BCAS3: variants seen among roughly 807,000 people sequenced by gnomAD.
BCAS3 encodes the protein BCAS3 microtubule associated cell migration factor, also known as BCAS4/BCAS3 fusion.
A neutral mutation model predicts 116.1 loss-of-function variants in BCAS3; 53 were observed. The ratio of observed to expected loss-of-function variants is 0.46; its 90% CI spans 0.37 to 0.57. The LOEUF (loss-of-function observed/expected upper bound fraction) is 0.57. BCAS3 is among the 20% of genes least tolerant of loss of function. The probability of loss-of-function intolerance (pLI) is 0.00; values close to 1 mark genes in which losing one functional copy is unlikely to be tolerated. For synonymous variants in BCAS3, 391 were observed against 408.2 expected, an observed-to-expected ratio of 0.96 and a Z score of 0.51; for missense variants, 917 against 1,165.4, an observed-to-expected ratio of 0.79 and a Z score of 3.10.
rs2065528865 is a variant in BCAS3 at position 61,017,360 on chromosome 17, A to G, written c.1637+1459A>G. Reference sequence around the variant, plus strand: ...ACTTACTGAAGTTAGTCAGTACATAATTGTATCATCTTGATTCACTCCAGC... The same window carrying G: ...ACTTACTGAAGTTAGTCAGTACATAGTTGTATCATCTTGATTCACTCCAGC... On this transcript the variant is annotated intron_variant, in intron 16 of 23. Coordinates refer to ENST00000407086, the MANE Select transcript of BCAS3 (RefSeq NM_017679.5). This position sits in a 1 kb window ranked among gnomAD's most constrained non-coding sequence, Gnocchi z 4.7. 6.6e-6 allele frequency among the ~76,000 whole-genome samples: 1 copy of G among 152,278 alleles called. No individual in the cohort carries two copies. Among genetic ancestry groups the G allele is most frequent in the Admixed American group, 6.5e-5 (1 of 15,290 alleles).
rs924834328 is a variant in BCAS3, at chr17:61,332,491, G to T, written c.2426-35836G>T. 6.6e-6 allele frequency among the ~76,000 whole-genome samples: 1 copy of T among 152,156 alleles called. No individual in the cohort carries two copies. The highest frequency in any genetic ancestry group is 1.5e-5 in the Non-Finnish European group (1 of 68,030). On this transcript the variant is annotated intron_variant, in intron 22 of 23. Coordinates refer to ENST00000407086, the MANE Select transcript of BCAS3 (RefSeq NM_017679.5). The surrounding 1 kb of genome is among the most constrained non-coding windows in gnomAD (Gnocchi z 5.4). ...CATATTGAAAGGAGGGAAACAATTT[G>T]ACAGCAAGAAAAGAATCTCCTAAAG...
chr17:61,026,841 G>A lies in BCAS3; in HGVS notation c.1638-7825G>A. ...AATGAGTTTTTCTCTAATTTTTTGTGCATTTTTCCCCCTTTTCCATGAAGG... is the reference window on the plus strand; with the variant it reads ...AATGAGTTTTTCTCTAATTTTTTGTACATTTTTCCCCCTTTTCCATGAAGG... On this transcript the variant is annotated intron_variant, in intron 16 of 23. Transcript: ENST00000407086. The surrounding 1 kb of genome is among the most constrained non-coding windows in gnomAD (Gnocchi z 5.0). 1 of 1,583,680 alleles carries A rather than the reference G, an allele frequency of 6.3e-7. No homozygotes were observed. Among genetic ancestry groups the A allele is most frequent in the African/African-American group, 1.3e-5 (1 of 74,278 alleles).
chr17:60,797,639 C>T (rs1432159225), intron 6 of BCAS3, among the ~76,000 whole-genome samples: 1 of 152,002 alleles, frequency 6.6e-6, no homozygotes, highest in African/African-American at 2.4e-5. Flanking sequence ...ACCTGTCAAC[C>T]TGTCATCTAC....
intron 23 of BCAS3, among the ~76,000 whole-genome samples, chr17:61,372,699 C>T (rs1379908404): frequency 2.0e-5 from 3 of 152,176 alleles, no homozygotes; most frequent in East Asian, 1.9e-4. Context: ...GTCTCTTGCC[C>T]GCGAGGCTTC....
rs1009829555 is a variant in BCAS3 at position 61,145,288 on chromosome 17, T to C, written c.2425+60724T>C. 2.6e-5 allele frequency among the ~76,000 whole-genome samples: 4 copies of C among 152,250 alleles called. No homozygotes were observed. The highest frequency in any genetic ancestry group is 9.6e-5 in the African/African-American group (4 of 41,466). ...TGGTTCTGCAACTCATCACCAGCTA[T>C]GCAAACTGACAGTTCACATCCTGGG... On this transcript the variant is annotated intron_variant, in intron 22 of 23. Coordinates refer to ENST00000407086, the MANE Select transcript of BCAS3 (RefSeq NM_017679.5). The surrounding 1 kb of genome is among the most constrained non-coding windows in gnomAD (Gnocchi z 5.0).
Position 61,256,957 on chromosome 17 carries a change from C to T in BCAS3, c.2426-111370C>T, listed in dbSNP as rs552995032. ...GGTTCTCTTTGAGGTATTTTCTCTA[C>T]CAAAATCAAGATTTTTGGATTTAAA... On this transcript the variant is annotated intron_variant, in intron 22 of 23. Transcript: ENST00000407086. This position sits in a 1 kb window ranked among gnomAD's most constrained non-coding sequence, Gnocchi z 5.6. 1.6e-4 allele frequency among the ~76,000 whole-genome samples: 25 copies of T among 152,144 alleles called. No individual in the cohort carries two copies. The highest frequency in any genetic ancestry group is 5.5e-4 in the African/African-American group (23 of 41,504).
chr17:60,858,482 T>G (rs1467874730), intron 7 of BCAS3, among the ~76,000 whole-genome samples: 1 of 152,122 alleles, frequency 6.6e-6, no homozygotes, highest in African/African-American at 2.4e-5. Flanking sequence ...TGAGATTCAC[T>G]TTTGTTGTTT....
chr17:60,747,252 G>A lies in BCAS3; in HGVS notation c.376G>A (p.Ala126Thr). The change falls in exon 6 of 24, where the codon GCT becomes ACT. Residue 126 changes from alanine (A) to threonine (T), a missense_variant. Physicochemically the swap from Ala to Thr is moderately conservative, Grantham distance 58. Around this residue, in one of 3 missense-constraint regions of BCAS3, gnomAD observed 807 missense variants for 1,026.0 expected, o/e 0.79. Coordinates refer to ENST00000407086, the MANE Select transcript of BCAS3 (RefSeq NM_017679.5). ...FSVRHGPIRA[A>T]RILPAPQFGA... ...TGTTCGACATGGCCCAATTCGAGCG[G>A]CTAGAATCTTGCCTGCTCCACAGTT... 1 of 1,613,160 alleles carries A rather than the reference G, an allele frequency of 6.2e-7. No individual in the cohort carries two copies. Among genetic ancestry groups the A allele is most frequent in the Non-Finnish European group, 8.5e-7 (1 of 1,179,230 alleles).
intron 5 of BCAS3, among the ~76,000 whole-genome samples, chr17:60,746,527 GT>G (rs1158914627): frequency 6.6e-6 from 1 of 152,036 alleles, no homozygotes; most frequent in Non-Finnish European, 1.5e-5. Context: ...TATTCATAAT[GT>G]TTGAGCTATG....
intron 22 of BCAS3, among the ~76,000 whole-genome samples, chr17:61,117,262 G>C (rs1222567737): frequency 6.6e-6 from 1 of 152,016 alleles, no homozygotes; most frequent in Non-Finnish European, 1.5e-5. Context: ...CATCCACTTA[G>C]CTTTTTATTT....
intron 11 of BCAS3, among the ~76,000 whole-genome samples, chr17:60,904,020 T>C (rs1255065619): frequency 6.6e-6 from 1 of 152,222 alleles, no homozygotes; most frequent in Non-Finnish European, 1.5e-5. Flanking sequence ...GCTATTCTTA[T>C]GTGTTTATGT....
At chr17:61,304,822 C>T (rs927475064) in intron 22 of BCAS3, among the ~76,000 whole-genome samples, 4 of 151,696 alleles carry the variant, frequency 2.6e-5, no homozygotes, top group African/African-American at 7.3e-5. Context: ...GACACAATCT[C>T]AGCTCATTGC....
At chr17:61,099,339 TTAA>T (rs2143649896) in intron 22 of BCAS3, among the ~76,000 whole-genome samples, 1 of 152,290 alleles carries the variant, frequency 6.6e-6, no homozygotes, top group South Asian at 2.1e-4. Context: ...TCAGTGATGA[TTAA>T]TAATGATAGT....
rs114055830 is a variant in BCAS3 at position 61,276,031 on chromosome 17, G to T, written c.2426-92296G>T. Among the ~76,000 whole-genome samples, 2,958 of 152,234 alleles carry T rather than the reference G, an allele frequency of 0.019. 83 individuals carry two copies. Among genetic ancestry groups the T allele is most frequent in the African/African-American group, 0.066 (2,748 of 41,532 alleles). ...AAACGGCAACCTATTTTGCAAGGTTGTAGGATATACTATCAGTATATAAAA... is the reference window on the plus strand; with the variant it reads ...AAACGGCAACCTATTTTGCAAGGTTTTAGGATATACTATCAGTATATAAAA... On this transcript the variant is annotated intron_variant, in intron 22 of 23. Coordinates refer to ENST00000407086, the MANE Select transcript of BCAS3 (RefSeq NM_017679.5). This position sits in a 1 kb window ranked among gnomAD's most constrained non-coding sequence, Gnocchi z 4.2.
chr17:60,802,921 T>G (rs1164042778), intron 6 of BCAS3, among the ~76,000 whole-genome samples: 1 of 152,220 alleles, frequency 6.6e-6, no homozygotes, highest in Non-Finnish European at 1.5e-5. Context: ...CCAGTCTATT[T>G]GTCGACTTTT....
chr17:61,164,407 A>C (rs8073611), intron 22 of BCAS3, among the ~76,000 whole-genome samples: 116,016 of 151,842 alleles, frequency 0.76, 44,771 homozygotes, highest in South Asian at 0.9. Flanking sequence ...AATGCCAGCA[A>C]CACTTTGGGT....
chr17:61,243,583 A>G lies in BCAS3; in HGVS notation c.2426-124744A>G, dbSNP rs958243983. 6.6e-6 allele frequency among the ~76,000 whole-genome samples: 1 copy of G among 152,200 alleles called. No individual in the cohort carries two copies. The highest frequency in any genetic ancestry group is 6.5e-5 in the Admixed American group (1 of 15,286). On this transcript the variant is annotated intron_variant, in intron 22 of 23. Transcript: ENST00000407086. The surrounding 1 kb of genome is among the most constrained non-coding windows in gnomAD (Gnocchi z 5.6). ...CATAAGTGTGTCTCAAGAAAATATAAAGACAGTATAAGAAGACTTAGAATT... is the reference window on the plus strand; with the variant it reads ...CATAAGTGTGTCTCAAGAAAATATAGAGACAGTATAAGAAGACTTAGAATT...
intron 22 of BCAS3, among the ~76,000 whole-genome samples, chr17:61,305,050 C>T (rs573225383): frequency 2.6e-5 from 4 of 152,318 alleles, no homozygotes; most frequent in African/African-American, 7.2e-5. Context: ...AGCCACCATG[C>T]CTGGCCCCCA....
chr17:60,739,063 G>T (rs1230848491), intron 5 of BCAS3, among the ~76,000 whole-genome samples: 1 of 151,764 alleles, frequency 6.6e-6, no homozygotes, highest in African/African-American at 2.4e-5. Context: ...GATTGTCCTG[G>T]AGTTTGCAAT....
Sources: allele counts gnomAD v4.1 joint callset (sites outside exome capture counted in the v4.1 genomes callset), GRCh38; gene constraint gnomAD v4.1.1; regional missense constraint gnomAD v4.1.1; non-coding constraint Gnocchi (gnomAD v3.1); transcripts MANE v1.5; gene names NCBI Gene and HGNC (gene_info 2026-07-23, HGNC 2026-07-21).